The following KIF6 variants were observed in gnomAD, a reference collection of about 807,000 sequenced individuals.
KIF6 encodes the protein kinesin-like protein KIF6.
KIF6 carries 106 observed loss-of-function variants against 112.7 expected under a neutral mutation model. The observed-to-expected ratio is 0.94, with a 90% confidence interval of 0.80 to 1.11. The LOEUF is 1.11. Among genes scored for constraint, KIF6 ranks in the 50% least tolerant of loss-of-function variants. The pLI, the probability that KIF6 is intolerant of heterozygous loss-of-function variation, is 0.00. For missense variants in KIF6, 929 were observed against 964.0 expected (o/e 0.96, Z 0.48); for synonymous variants, 339 against 339.9 (o/e 1.00, Z 0.03).
At chr6:39,517,818 A>T (rs1777166089) in intron 13 of KIF6, among the ~76,000 whole-genome samples, 1 of 152,252 alleles carries the variant, frequency 6.6e-6, no homozygotes, top group Admixed American at 6.5e-5. Flanking sequence ...ATGCATTCAG[A>T]GAGAACAACA....
chr6:39,723,827 G>C (rs1043889012), intron 1 of KIF6, among the ~76,000 whole-genome samples: 1 of 152,012 alleles, frequency 6.6e-6, no homozygotes, highest in Non-Finnish European at 1.5e-5. Context: ...AAACCACCAC[G>C]GCACGTGTAT....
intron 19 of KIF6, among the ~76,000 whole-genome samples, chr6:39,352,498 C>G (rs1581649119): frequency 6.6e-6 from 1 of 152,102 alleles, no homozygotes; most frequent in East Asian, 1.9e-4. Context: ...TTTGCCTGTT[C>G]CAGAATGTTA....
intron 5 of KIF6, among the ~76,000 whole-genome samples, chr6:39,633,736 C>T (rs1188998831): frequency 6.6e-6 from 1 of 152,188 alleles, no homozygotes; most frequent in Non-Finnish European, 1.5e-5. Context: ...AGAGATGTTG[C>T]TAGCTTTCAT....
chr6:39,478,474 T>C (rs1399122390), intron 13 of KIF6, among the ~76,000 whole-genome samples: 2 of 152,224 alleles, frequency 1.3e-5, no homozygotes, highest in African/African-American at 4.8e-5. Flanking sequence ...ATTTTTGCAA[T>C]TGCAAATTGT....
At chr6:39,481,332 T>C (rs183034907) in intron 13 of KIF6, among the ~76,000 whole-genome samples, 35 of 152,320 alleles carry the variant, frequency 2.3e-4, no homozygotes, top group African/African-American at 7.9e-4. Flanking sequence ...CTCTTTATAT[T>C]GTTCTGGTCT....
intron 5 of KIF6, among the ~76,000 whole-genome samples, chr6:39,618,152 A>G (rs1333263139): frequency 6.6e-6 from 1 of 152,208 alleles, no homozygotes; most frequent in Non-Finnish European, 1.5e-5. Context: ...GGAAAGATTC[A>G]TGAACCTGCA....
At position 39,720,713 on chromosome 6, in the gene KIF6, G is replaced by A. The variant is rs750194729; in HGVS notation, c.165C>T (p.Ser55=). ...AAAGAAAAACTTACTTAAATTTGTAGCTTTCTCGCTTATTATTCACAAACC... is the reference window on the plus strand; with the variant it reads ...AAAGAAAAACTTACTTAAATTTGTAACTTTCTCGCTTATTATTCACAAACC... ...ADGFVNNKRE[S]YKFKFQRIFD... The change falls in exon 2 of 23, where the codon AGC becomes AGT. Residue 55 remains serine (S), a synonymous_variant. Transcript: ENST00000287152. 6 of 1,564,722 alleles carry A rather than the reference G, an allele frequency of 3.8e-6. No homozygotes were observed. The Admixed American group carries it at 5.0e-5, about 13-fold the overall frequency.
intron 1 of KIF6, 120 bp from the exon 2 acceptor site, chr6:39,720,931 T>C: frequency 3.4e-6 from 2 of 591,432 alleles, no homozygotes; most frequent in South Asian, 2.3e-5. Context: ...AAAGTCATAA[T>C]ATCATATAAT....
chr6:39,532,380 C>G (rs1778127260), intron 13 of KIF6, among the ~76,000 whole-genome samples: 1 of 152,020 alleles, frequency 6.6e-6, no homozygotes, highest in African/African-American at 2.4e-5. Context: ...AGGATGTGCT[C>G]TATAAATTAT....
intron 10 of KIF6, among the ~76,000 whole-genome samples, chr6:39,557,321 G>A (rs1779757880): frequency 6.6e-6 from 1 of 152,068 alleles, no homozygotes; most frequent in Non-Finnish European, 1.5e-5. Flanking sequence ...CATTATCATT[G>A]AGTTCTGTAT....
intron 20 of KIF6, among the ~76,000 whole-genome samples, chr6:39,346,067 T>C (rs1562112653): frequency 1.1e-4 from 2 of 18,292 alleles, no homozygotes; most frequent in Admixed American, 4.8e-4. Context: ...TCTCTCTCTC[T>C]CTCTCTCTCT....
intron 9 of KIF6, among the ~76,000 whole-genome samples, chr6:39,580,887 C>A (rs887867032): frequency 5.9e-5 from 9 of 152,142 alleles, no homozygotes; most frequent in Non-Finnish European, 1.3e-4. Context: ...TTTGTTTTAA[C>A]TTTTCTCATT....
chr6:39,693,604 A>G (rs1335275661), intron 3 of KIF6, among the ~76,000 whole-genome samples: 2 of 152,190 alleles, frequency 1.3e-5, no homozygotes, highest in African/African-American at 4.8e-5. Flanking sequence ...CAATCTCCCA[A>G]GACTGAAACA....
intron 3 of KIF6, among the ~76,000 whole-genome samples, chr6:39,685,692 G>A (rs1787825689): frequency 1.3e-5 from 2 of 152,164 alleles, no homozygotes; most frequent in Admixed American, 1.3e-4. Flanking sequence ...TAACCAGAGG[G>A]GAAATTTTGC....
intron 5 of KIF6, among the ~76,000 whole-genome samples, chr6:39,626,317 G>C (rs1364315304): frequency 6.6e-6 from 1 of 152,152 alleles, no homozygotes. Context: ...GGCTGAAATG[G>C]ACAAGCTTTG....
chr6:39,420,943 C>A (rs952689583), intron 14 of KIF6, among the ~76,000 whole-genome samples: 12 of 152,156 alleles, frequency 7.9e-5, no homozygotes, highest in African/African-American at 2.2e-4. Flanking sequence ...GTTTGAGACA[C>A]CCACGATGAG....
chr6:39,599,219 C>CA (rs1782448579), intron 6 of KIF6, among the ~76,000 whole-genome samples: 1 of 152,022 alleles, frequency 6.6e-6, no homozygotes, highest in Non-Finnish European at 1.5e-5. Context: ...ATCCTCTCAA[C>CA]AAAAAAACTA....
At chr6:39,360,274 T>C in intron 18 of KIF6, 121 bp downstream of exon 18, 8 of 1,092,464 alleles carry the variant, frequency 7.3e-6, no homozygotes, top group Admixed American at 4.8e-5. Flanking sequence ...ACCTGCTTCA[T>C]GAGCAGGGGC....
intron 5 of KIF6, among the ~76,000 whole-genome samples, chr6:39,616,905 T>C (rs1174279406): frequency 1.3e-5 from 2 of 152,214 alleles, no homozygotes; most frequent in East Asian, 3.9e-4. Context: ...AGTTCCTTCC[T>C]TTCCTGGCCC....
Sources: allele counts gnomAD v4.1 joint callset (sites outside exome capture counted in the v4.1 genomes callset), GRCh38; gene constraint gnomAD v4.1.1; transcripts MANE v1.5; gene names NCBI Gene and HGNC (gene_info 2026-07-23, HGNC 2026-07-21).